GPHN: variants seen among roughly 807,000 people sequenced by gnomAD.
GPHN encodes gephyrin.
Under a neutral mutation model 95.5 loss-of-function variants are expected in GPHN, and 17 were observed. The ratio of observed to expected loss-of-function variants is 0.18; its 90% CI spans 0.12 to 0.27. GPHN has a LOEUF of 0.27. GPHN is among the 10% of genes least tolerant of loss of function. The pLI is 1.00. For synonymous variants in GPHN, 320 were observed against 322.5 expected, an observed-to-expected ratio of 0.99 and a Z score of 0.08; for missense variants, 660 against 978.1, an observed-to-expected ratio of 0.67 and a Z score of 4.34.
the GPHN span, among the ~76,000 whole-genome samples, chr14:67,219,660 A>C: frequency 6.6e-6 from 1 of 152,202 alleles, no homozygotes; most frequent in Non-Finnish European, 1.5e-5. Context: ...CATTATTAGA[A>C]ATGATAAAAA....
At chr14:67,432,653 A>T in the GPHN span, among the ~76,000 whole-genome samples, 1 of 152,224 alleles carries the variant, frequency 6.6e-6, no homozygotes, top group Non-Finnish European at 1.5e-5. Flanking sequence ...TGTGGGGCTG[A>T]AATAAACAGA....
chr14:67,499,882 C>T, the GPHN span, among the ~76,000 whole-genome samples: 58,770 of 151,682 alleles, frequency 0.39, 12,949 homozygotes, highest in South Asian at 0.52. Context: ...GACGGGATAG[C>T]TTATTCATCC....
chr14:67,167,042 T>A (rs182082644), intron 20 of GPHN, among the ~76,000 whole-genome samples: 136 of 152,334 alleles, frequency 8.9e-4, no homozygotes, highest in Non-Finnish European at 1.6e-3. Context: ...ATCCCTAATC[T>A]CGACAAGTTT....
the GPHN span, among the ~76,000 whole-genome samples, chr14:67,375,750 AAACT>A: frequency 6.6e-6 from 1 of 152,204 alleles, no homozygotes; most frequent in Admixed American, 6.5e-5. Flanking sequence ...TGTAGTCTCT[AAACT>A]AGCAGCATTG....
the GPHN span, among the ~76,000 whole-genome samples, chr14:67,428,190 A>G: frequency 6.7e-4 from 102 of 152,248 alleles, no homozygotes; most frequent in African/African-American, 2.3e-3. Context: ...AAGTGCTGGA[A>G]TTACAGGCAT....
intron 1 of GPHN, among the ~76,000 whole-genome samples, chr14:66,534,201 T>C (rs1400924294): frequency 6.6e-6 from 1 of 152,158 alleles, no homozygotes; most frequent in African/African-American, 2.4e-5. Context: ...TTTTTATGTG[T>C]ACAAACTCTT....
At chr14:67,056,282 A>G (rs915146110) in intron 10 of GPHN, among the ~76,000 whole-genome samples, 4 of 152,136 alleles carry the variant, frequency 2.6e-5, no homozygotes, top group African/African-American at 4.8e-5. Flanking sequence ...TGCATTTACA[A>G]TCCTTTAGCT....
chr14:66,587,729 A>G lies in GPHN; in HGVS notation c.64+79138A>G, dbSNP rs536271074. ...TGACATTACTATAAAGAACTGTAGG[A>G]GAGCAGCCCCAGTGCTTATAGATAA... On this transcript the variant is annotated intron_variant, in intron 1 of 22. Transcript: ENST00000478722. Among the ~76,000 whole-genome samples, 4 of 152,344 alleles carry G rather than the reference A, an allele frequency of 2.6e-5. No individual in the cohort carries two copies. The South Asian group carries it at 8.3e-4, about 32-fold the overall frequency.
the GPHN span, among the ~76,000 whole-genome samples, chr14:67,673,569 C>G: frequency 6.6e-6 from 1 of 152,170 alleles, no homozygotes; most frequent in Non-Finnish European, 1.5e-5. Flanking sequence ...CACACAGCAG[C>G]CTCACAATAA....
chr14:67,508,509 C>A, the GPHN span, among the ~76,000 whole-genome samples: 1 of 152,058 alleles, frequency 6.6e-6, no homozygotes, highest in Admixed American at 6.6e-5. Flanking sequence ...TACAGCCTCA[C>A]GCTAGCTCTC....
chr14:67,437,540 C>T, the GPHN span, among the ~76,000 whole-genome samples: 4 of 152,118 alleles, frequency 2.6e-5, no homozygotes, highest in African/African-American at 4.8e-5. Flanking sequence ...CCAAACCTCA[C>T]GGCGGCTGTA....
At chr14:67,279,785 A>T in the GPHN span, 1 of 384,630 alleles carries the variant, frequency 2.6e-6, no homozygotes, top group Non-Finnish European at 4.6e-6. Context: ...AGAGTTCTGC[A>T]TGGGCCCTAA....
intron 4 of GPHN, among the ~76,000 whole-genome samples, chr14:66,861,905 A>G (rs2153521707): frequency 1.3e-5 from 2 of 152,200 alleles, no homozygotes; most frequent in South Asian, 4.1e-4. Context: ...ATTCAAATAA[A>G]TAACCTAATG....
chr14:66,604,363 C>T (rs866359362), intron 1 of GPHN, among the ~76,000 whole-genome samples: 2 of 151,998 alleles, frequency 1.3e-5, no homozygotes, highest in South Asian at 4.1e-4. Flanking sequence ...GAAAAATATA[C>T]TATATAGAAT....
At chr14:66,604,076 A>G (rs2062391475) in intron 1 of GPHN, among the ~76,000 whole-genome samples, 1 of 152,130 alleles carries the variant, frequency 6.6e-6, no homozygotes, top group African/African-American at 2.4e-5. Flanking sequence ...TTTAATTCTC[A>G]TAACATTGCA....
At chr14:67,437,892 A>G in the GPHN span, among the ~76,000 whole-genome samples, 1 of 152,072 alleles carries the variant, frequency 6.6e-6, no homozygotes, top group African/African-American at 2.4e-5. Flanking sequence ...CCTGATTCCA[A>G]AGTCAAGAAA....
In GPHN at chr14:66,722,600, T is replaced by C. The variant is rs540154704; in HGVS notation, c.143+41415T>C. ...CTAGGACTACAAGGATATGCCGCCA[T>C]GCACAGCTAATTTGCCTAATTTTTG... On this transcript the variant is annotated intron_variant, in intron 2 of 22. Transcript: ENST00000478722. 8.5e-5 allele frequency among the ~76,000 whole-genome samples: 13 copies of C among 152,196 alleles called. No individual in the cohort carries two copies. In the South Asian group the frequency reaches 2.1e-3, roughly 24 times the overall value.
At chr14:67,215,741 G>C in the GPHN span, among the ~76,000 whole-genome samples, 1 of 152,104 alleles carries the variant, frequency 6.6e-6, no homozygotes, top group African/African-American at 2.4e-5. Flanking sequence ...ATCCAACTTA[G>C]CAATTTGTCC....
At chr14:66,699,024 T>C (rs1281494363) in intron 2 of GPHN, among the ~76,000 whole-genome samples, 1 of 152,196 alleles carries the variant, frequency 6.6e-6, no homozygotes, top group Non-Finnish European at 1.5e-5. Flanking sequence ...AGTGAGAATA[T>C]TAGTCAATGT....
Sources: gnomAD v4.1 joint callset for allele counts (sites outside exome capture counted in the v4.1 genomes callset) on GRCh38, gnomAD v4.1.1 for gene constraint, MANE v1.5 for transcripts, NCBI Gene and HGNC (gene_info 2026-07-23, HGNC 2026-07-21) for gene names.